Variants in PLPP3 observed in about 807,000 individuals in gnomAD.
PLPP3 encodes phospholipid phosphatase 3, also known as PAP2 beta.
A neutral mutation model predicts 29.6 loss-of-function variants in PLPP3; 6 were observed. The ratio of observed to expected loss-of-function variants is 0.20; its 90% CI spans 0.11 to 0.40. PLPP3 has a LOEUF of 0.40. Ranked by LOEUF, PLPP3 falls within the 10% of genes least tolerant of loss-of-function variation. PLPP3 has a pLI of 1.00. For synonymous variants in PLPP3, 152 were observed against 159.7 expected, an observed-to-expected ratio of 0.95 and a Z score of 0.36; for missense variants, 308 against 407.7, an observed-to-expected ratio of 0.76 and a Z score of 2.11.
At chr1:56,537,181 C>A in intron 1 of PLPP3, 69 bp from the exon 2 acceptor site, 1 of 1,494,564 alleles carries the variant, frequency 6.7e-7, no homozygotes. Flanking sequence ...AACATCAGTG[C>A]CAAAGAGGAA....
chr1:56,503,984 C>G (rs1645685391), intron 5 of PLPP3, among the ~76,000 whole-genome samples: 1 of 152,100 alleles, frequency 6.6e-6, no homozygotes, highest in Non-Finnish European at 1.5e-5. Flanking sequence ...GTTGGCTGGC[C>G]TGGTCTTGAA....
At chr1:56,530,491 C>T (rs1326032270) in intron 2 of PLPP3, among the ~76,000 whole-genome samples, 1 of 152,218 alleles carries the variant, frequency 6.6e-6, no homozygotes, top group African/African-American at 2.4e-5. Flanking sequence ...CCAAACTTCA[C>T]TTCTCTTCCC....
intron 4 of PLPP3, 56 bp downstream of exon 4, chr1:56,523,767 C>T (rs1279060098): frequency 4.5e-6 from 7 of 1,547,282 alleles, no homozygotes; most frequent in Non-Finnish European, 5.4e-6. Flanking sequence ...GCTATCATAT[C>T]AGAAGGGATC....
At chr1:56,508,706 G>A (rs922972411) in intron 5 of PLPP3, among the ~76,000 whole-genome samples, 4 of 152,138 alleles carry the variant, frequency 2.6e-5, no homozygotes, top group Admixed American at 1.3e-4. Flanking sequence ...TGCTTGGCAC[G>A]TGACAGCTAC....
chr1:56,511,172 A>C (rs749879841), intron 5 of PLPP3, among the ~76,000 whole-genome samples: 3 of 152,184 alleles, frequency 2.0e-5, no homozygotes, highest in Non-Finnish European at 4.4e-5. Flanking sequence ...GTAGGTGCTC[A>C]GTCATGTTCG....
At chr1:56,554,906 A>G (rs1646063745) in intron 1 of PLPP3, among the ~76,000 whole-genome samples, 1 of 152,296 alleles carries the variant, frequency 6.6e-6, no homozygotes, top group Admixed American at 6.5e-5. Context: ...GTCAATCCCT[A>G]TCTCTGTTTC....
Position 56,524,884 on chromosome 1 carries a change from TA to T in PLPP3, c.298-331del, listed in dbSNP as rs1645843477. ...GAACTTAACTATAGAAAAGAAATAC[TA>T]AATGAAGAATCAACGACAAGGTAAA... On this transcript the variant is annotated intron_variant, in intron 2 of 5. Coordinates refer to ENST00000371250, the MANE Select transcript of PLPP3 (RefSeq NM_003713.5). This position sits in a 1 kb window ranked among gnomAD's most constrained non-coding sequence, Gnocchi z 4.3. 6.6e-6 allele frequency among the ~76,000 whole-genome samples: 1 copy of T among 151,930 alleles called. No individual in the cohort carries two copies. Among genetic ancestry groups the T allele is most frequent in the Admixed American group, 6.6e-5 (1 of 15,246 alleles).
At position 56,494,916 on chromosome 1, in the gene PLPP3, TAC is replaced by T. The variant is rs1367585203; in HGVS notation, c.*1633_*1634del. 14 of 152,644 alleles carry T rather than the reference TAC, an allele frequency of 9.2e-5. No homozygotes were observed. The highest frequency in any genetic ancestry group is 2.1e-4 in the South Asian group (1 of 4,836). 9.5% of individuals were successfully genotyped at this position (152,644 alleles called of 1,614,324 possible). A position where few individuals can be genotyped will look rare whatever the true frequency, so the allele number is the denominator to read the frequency against. On this transcript the variant is annotated 3_prime_UTR_variant, in exon 6 of 6. Coordinates refer to ENST00000371250, the MANE Select transcript of PLPP3 (RefSeq NM_003713.5). ...AAATACTGACAATTTAATGTTTTTA[TAC>T]AGTTTTCTCTAGTTGCAGTTATTTC...
At position 56,545,427 on chromosome 1, in the gene PLPP3, A is replaced by T. The variant is rs150473398; in HGVS notation, c.140-8315T>A. ...AAGATGTGACCAGATTTCTGTCCAA[A>T]GCTCATGCAAGTAGCCATGGGCCCA... On this transcript the variant is annotated intron_variant, in intron 1 of 5. Transcript: ENST00000371250. 8.7e-3 allele frequency among the ~76,000 whole-genome samples: 1,323 copies of T among 152,292 alleles called. 13 individuals are homozygous for T. Among genetic ancestry groups the T allele is most frequent in the African/African-American group, 0.03 (1,263 of 41,574 alleles).
intron 1 of PLPP3, among the ~76,000 whole-genome samples, chr1:56,555,231 G>A (rs971200554): frequency 2.0e-5 from 3 of 150,124 alleles, no homozygotes; most frequent in South Asian, 2.1e-4. Flanking sequence ...CAGCTGAACC[G>A]GCCCCATCCA....
At position 56,523,172 on chromosome 1, in the gene PLPP3, C is replaced by T. The variant is rs537322482; in HGVS notation, c.633+651G>A. On this transcript the variant is annotated intron_variant, in intron 4 of 5. Coordinates refer to ENST00000371250, the MANE Select transcript of PLPP3 (RefSeq NM_003713.5). ...CAGTGTTGTTATGAAGTCATGCGTC[C>T]TCATGGAGCAGAAGTATTTTGCAAA... Among the ~76,000 whole-genome samples, 350 of 152,202 alleles carry T rather than the reference C, an allele frequency of 2.3e-3. 1 individual carries two copies. Among genetic ancestry groups the T allele is most frequent in the African/African-American group, 7.9e-3 (330 of 41,532 alleles).
At chr1:56,539,734 G>A (rs1324350368) in intron 1 of PLPP3, among the ~76,000 whole-genome samples, 2 of 152,304 alleles carry the variant, frequency 1.3e-5, no homozygotes, top group East Asian at 3.9e-4. Flanking sequence ...GAGCCTGGGA[G>A]AGAAATCATA....
intron 5 of PLPP3, among the ~76,000 whole-genome samples, chr1:56,508,392 G>T (rs529550329): frequency 1.3e-5 from 2 of 152,280 alleles, no homozygotes; most frequent in African/African-American, 4.8e-5. Context: ...TGTCAGCGAA[G>T]ATTACAACTC....
chr1:56,539,349 C>T (rs1645952487), intron 1 of PLPP3, among the ~76,000 whole-genome samples: 1 of 152,200 alleles, frequency 6.6e-6, no homozygotes, highest in South Asian at 2.1e-4. Flanking sequence ...TTTTCAATTA[C>T]TTTGGTCCAG....
In PLPP3 at chr1:56,524,648, A is replaced by G; in HGVS notation, c.298-94T>C. On this transcript the variant is annotated intron_variant, in intron 2 of 5. Coordinates refer to ENST00000371250, the MANE Select transcript of PLPP3 (RefSeq NM_003713.5). The surrounding 1 kb of genome is among the most constrained non-coding windows in gnomAD (Gnocchi z 4.3). ...TATTCAACAACACAGGAGAATATTC[A>G]GTATTTGCAAAGGAGTGTCCTAATT... is the stretch of plus-strand genomic sequence containing the variant. The G allele has an allele frequency of 1.5e-6, 2 of 1,367,320 alleles. No homozygotes were observed. The highest frequency in any genetic ancestry group is 2.0e-6 in the Non-Finnish European group (2 of 992,744). 84.7% of individuals were successfully genotyped at this position (1,367,320 alleles called of 1,614,324 possible).
chr1:56,517,782 G>A (rs928121596), intron 4 of PLPP3, among the ~76,000 whole-genome samples: 2 of 152,154 alleles, frequency 1.3e-5, no homozygotes, highest in African/African-American at 4.8e-5. Flanking sequence ...CAACCTCCAG[G>A]GGACATTTAG....
At chr1:56,568,796 T>G (rs1366524437) in intron 1 of PLPP3, among the ~76,000 whole-genome samples, 1 of 152,088 alleles carries the variant, frequency 6.6e-6, no homozygotes, top group Non-Finnish European at 1.5e-5. Flanking sequence ...GGCTAATTTT[T>G]TTGTATTTTT....
intron 5 of PLPP3, among the ~76,000 whole-genome samples, chr1:56,506,831 T>C (rs928186851): frequency 2.6e-5 from 4 of 152,150 alleles, no homozygotes; most frequent in Non-Finnish European, 2.9e-5. Context: ...TCTGTTTATG[T>C]GTGTCTGTGG....
At chr1:56,504,201 G>A (rs1645686642) in intron 5 of PLPP3, among the ~76,000 whole-genome samples, 1 of 152,206 alleles carries the variant, frequency 6.6e-6, no homozygotes. Context: ...ATGCTGCTGT[G>A]TGCCTGTGGT....
Sources: gnomAD v4.1 joint callset for allele counts (sites outside exome capture counted in the v4.1 genomes callset) on GRCh38, gnomAD v4.1.1 for gene constraint, Gnocchi (gnomAD v3.1) non-coding constraint, MANE v1.5 for transcripts, NCBI Gene and HGNC (gene_info 2026-07-23, HGNC 2026-07-21) for gene names.